RBFOX3: variants seen among roughly 807,000 people sequenced by gnomAD.
RBFOX3 encodes the protein RNA binding protein fox-1 homolog 3.
In RBFOX3, 17 loss-of-function variants were observed where a neutral mutation model predicts 48.7. The observed-to-expected ratio is 0.35, with a 90% confidence interval of 0.24 to 0.52. The LOEUF (loss-of-function observed/expected upper bound fraction) is 0.52. RBFOX3 is among the 20% of genes least tolerant of loss of function. The pLI, the probability that RBFOX3 is intolerant of heterozygous loss-of-function variation, is 0.94. For synonymous variants in RBFOX3, 212 were observed against 209.5 expected (o/e 1.01, Z -0.10); for missense variants, 382 against 497.5 (o/e 0.77, Z 2.21).
intron 2 of RBFOX3, among the ~76,000 whole-genome samples, chr17:79,347,863 T>C (rs150698394): frequency 6.6e-6 from 1 of 152,202 alleles, no homozygotes; most frequent in East Asian, 1.9e-4. Flanking sequence ...TTAAAAAAAA[T>C]GCTTGTGCTT....
chr17:79,506,293 C>A (rs1231459233), intron 1 of RBFOX3, among the ~76,000 whole-genome samples: 6 of 152,182 alleles, frequency 3.9e-5, no homozygotes, highest in Non-Finnish European at 8.8e-5. Context: ...GGGCCAGTTT[C>A]CTGCCTGGCT....
At chr17:79,493,140 C>T (rs1407929981) in intron 1 of RBFOX3, among the ~76,000 whole-genome samples, 5 of 151,846 alleles carry the variant, frequency 3.3e-5, no homozygotes, top group Admixed American at 6.6e-5. Context: ...AGGGAGGAGG[C>T]GTATCACACG....
At chr17:79,386,773 T>A (rs1472291939) in intron 2 of RBFOX3, among the ~76,000 whole-genome samples, 1 of 152,056 alleles carries the variant, frequency 6.6e-6, no homozygotes. Flanking sequence ...CAGGACCACA[T>A]TTCTGACTAG....
intron 3 of RBFOX3, among the ~76,000 whole-genome samples, chr17:79,264,056 TC>T (rs2066251330): frequency 6.6e-6 from 1 of 151,162 alleles, no homozygotes; most frequent in Non-Finnish European, 1.5e-5. Context: ...GAAGGACCCT[TC>T]CCTAGAGCTT....
At chr17:79,255,997 G>C (rs1359742129) in intron 3 of RBFOX3, among the ~76,000 whole-genome samples, 2 of 151,736 alleles carry the variant, frequency 1.3e-5, no homozygotes, top group African/African-American at 4.8e-5. Context: ...CAGCCATCCA[G>C]AAAATGCCTG....
At chr17:79,409,469 A>G (rs897758014) in intron 2 of RBFOX3, among the ~76,000 whole-genome samples, 3 of 152,332 alleles carry the variant, frequency 2.0e-5, no homozygotes, top group Admixed American at 6.5e-5. Flanking sequence ...ACAATGCACA[A>G]GGGTTCCAAT....
intron 2 of RBFOX3, among the ~76,000 whole-genome samples, chr17:79,389,275 T>C (rs2061011235): frequency 6.6e-6 from 1 of 152,194 alleles, no homozygotes; most frequent in South Asian, 2.1e-4. Context: ...TATGGAGGAC[T>C]GGGGGTAGAA....
intron 2 of RBFOX3, among the ~76,000 whole-genome samples, chr17:79,402,641 C>T (rs180792564): frequency 3.0e-4 from 45 of 152,298 alleles, no homozygotes; most frequent in Admixed American, 2.1e-3. Flanking sequence ...CTGAGCTCTA[C>T]GACTGGCTAT....
chr17:79,569,329 C>T (rs1008245731), intron 1 of RBFOX3, among the ~76,000 whole-genome samples: 9 of 152,160 alleles, frequency 5.9e-5, no homozygotes, highest in Non-Finnish European at 1.2e-4. Context: ...TGGAATCATG[C>T]AACGTGTGGC....
chr17:79,374,620 A>G (rs1401946122), intron 2 of RBFOX3, among the ~76,000 whole-genome samples: 1 of 152,240 alleles, frequency 6.6e-6, no homozygotes, highest in Non-Finnish European at 1.5e-5. Flanking sequence ...AGGTTGGCAC[A>G]CGCACGGCAC....
chr17:79,098,511 A>T (rs1182217614), intron 9 of RBFOX3: 1 of 152,132 alleles, frequency 6.6e-6, no homozygotes, highest in African/African-American at 2.4e-5. Flanking sequence ...AGGCACAGCA[A>T]CCTCCCGTCA....
chr17:79,611,130 T>TTCTCTCTCTCTCTCTCTCTCTCTC (rs1173570495), upstream of RBFOX3, among the ~76,000 whole-genome samples: 27 of 37,804 alleles, frequency 7.1e-4, 5 homozygotes, highest in African/African-American at 4.1e-3. Flanking sequence ...TCCGCCCTCC[T>TTCTCTCTCTCTCTCTCTCTCTCTC]TCTCTCTCTC....
At chr17:79,282,462 G>C (rs1001398453) in intron 3 of RBFOX3, among the ~76,000 whole-genome samples, 13 of 152,200 alleles carry the variant, frequency 8.5e-5, no homozygotes, top group African/African-American at 3.1e-4. Flanking sequence ...AATTGGACCA[G>C]CAGCTTGTAC....
At chr17:79,281,881 A>G (rs2070622747) in intron 3 of RBFOX3, among the ~76,000 whole-genome samples, 1 of 152,218 alleles carries the variant, frequency 6.6e-6, no homozygotes, top group South Asian at 2.1e-4. Context: ...CCAGTGAAGG[A>G]AGCCATCATC....
At chr17:79,524,622 C>T (rs1471370087) in intron 1 of RBFOX3, among the ~76,000 whole-genome samples, 4 of 152,172 alleles carry the variant, frequency 2.6e-5, no homozygotes, top group Non-Finnish European at 4.4e-5. Context: ...TCTGCTGCCC[C>T]TGGCTGTGCT....
chr17:79,588,879 A>G (rs1268244132), intron 1 of RBFOX3, among the ~76,000 whole-genome samples: 1 of 148,042 alleles, frequency 6.8e-6, no homozygotes, highest in African/African-American at 2.5e-5. Flanking sequence ...GCGAGACCCC[A>G]TCCTGAGCTT....
chr17:79,563,752 C>G (rs1166553972), intron 1 of RBFOX3, among the ~76,000 whole-genome samples: 3 of 152,314 alleles, frequency 2.0e-5, no homozygotes, highest in African/African-American at 7.2e-5. Flanking sequence ...GAATCCCCCA[C>G]TGGCCGGGAG....
chr17:79,410,911 G>C (rs991633003), intron 2 of RBFOX3, among the ~76,000 whole-genome samples: 2 of 152,146 alleles, frequency 1.3e-5, no homozygotes, highest in Non-Finnish European at 2.9e-5. Flanking sequence ...CTCACTGTAG[G>C]CTGGGGAACG....
Position 79,302,224 on chromosome 17 carries a change from C to G in RBFOX3, c.-74+5500G>C, listed in dbSNP as rs549453110. On this transcript the variant is annotated intron_variant, in intron 3 of 14. Coordinates refer to ENST00000693108, the MANE Select transcript of RBFOX3 (RefSeq NM_001350451.2). ...TCCTTCACACAATAAATAAATACCC[C>G]TCCCCTTCCATCAGCAGCCCTTCAA... 7.2e-5 allele frequency among the ~76,000 whole-genome samples: 11 copies of G among 152,304 alleles called. No individual in the cohort carries two copies. In the South Asian group the frequency reaches 1.9e-3, roughly 26 times the overall value.
Sources: gnomAD v4.1 joint callset for allele counts (sites outside exome capture counted in the v4.1 genomes callset) on GRCh38, gnomAD v4.1.1 for gene constraint, MANE v1.5 for transcripts, NCBI Gene and HGNC (gene_info 2026-07-23, HGNC 2026-07-21) for gene names.